Variants in CTNNA3 observed in about 807,000 individuals in gnomAD.
CTNNA3 encodes catenin alpha 3.
In CTNNA3, 76 loss-of-function variants were observed where a neutral mutation model predicts 95.7. The ratio of observed to expected loss-of-function variants is 0.79; its 90% CI spans 0.66 to 0.96. CTNNA3 has a LOEUF of 0.96. Ranked by LOEUF, CTNNA3 falls within the 40% of genes least tolerant of loss-of-function variation. The probability of loss-of-function intolerance (pLI) is 0.00; values close to 1 mark genes in which losing one functional copy is unlikely to be tolerated. For synonymous variants in CTNNA3, 431 were observed against 374.4 expected, an observed-to-expected ratio of 1.15 and a Z score of -1.74; for missense variants, 1,191 against 1,089.8, an observed-to-expected ratio of 1.09 and a Z score of -1.31.
chr10:66,330,072 C>A (rs193239556), intron 12 of CTNNA3, among the ~76,000 whole-genome samples: 1 of 151,862 alleles, frequency 6.6e-6, no homozygotes, highest in African/African-American at 2.4e-5. Flanking sequence ...GCACATATTT[C>A]TTTTTTTTAT....
At chr10:67,098,907 G>C (rs1037983500) in intron 7 of CTNNA3, 1 of 151,814 alleles carries the variant, frequency 6.6e-6, no homozygotes, top group African/African-American at 2.4e-5. Flanking sequence ...TGTGAGACCG[G>C]TATTTTGGAA....
chr10:66,364,064 T>C (rs929305273), intron 12 of CTNNA3, among the ~76,000 whole-genome samples: 1 of 152,162 alleles, frequency 6.6e-6, no homozygotes, highest in African/African-American at 2.4e-5. Context: ...TTGGTTTTAA[T>C]ATCTACAAAT....
intron 11 of CTNNA3, among the ~76,000 whole-genome samples, chr10:66,415,747 GC>G (rs1397562632): frequency 6.6e-6 from 1 of 152,040 alleles, no homozygotes; most frequent in East Asian, 1.9e-4. Context: ...ACTGTTTGTA[GC>G]CAAAAAAATC....
At chr10:66,827,955 G>T (rs1223460925) in intron 7 of CTNNA3, among the ~76,000 whole-genome samples, 2 of 152,208 alleles carry the variant, frequency 1.3e-5, no homozygotes, top group Non-Finnish European at 1.5e-5. Context: ...AAATGGAGAA[G>T]TGGGTAAAAT....
In CTNNA3 at chr10:67,737,493, A is replaced by G. The variant is rs1841309038; in HGVS notation, c.-2+25941T>C. The stretch of plus-strand genomic sequence containing the variant: ...AAATTACCAGAAGGAAAGAAACAAT[A>G]AAGATCAGACCAGAAATAAAAGAAA... On this transcript the variant is annotated intron_variant, in intron 1 of 17. Coordinates refer to the CTNNA3 transcript ENST00000684154. Among the ~76,000 whole-genome samples the G allele has an allele frequency of 2.0e-5, 3 of 152,288 alleles. No homozygotes were observed. The South Asian group carries it at 6.2e-4, about 32-fold the overall frequency.
intron 15 of CTNNA3, among the ~76,000 whole-genome samples, chr10:66,040,280 A>C: frequency 6.6e-6 from 1 of 152,108 alleles, no homozygotes; most frequent in Admixed American, 6.6e-5. Context: ...ATTGGGTGGG[A>C]GTGTAAATTA....
intron 17 of CTNNA3, among the ~76,000 whole-genome samples, chr10:65,936,998 T>C (rs557413713): frequency 6.6e-6 from 1 of 151,992 alleles, no homozygotes; most frequent in East Asian, 1.9e-4. Context: ...ATTATATAAA[T>C]ATAAACATTT....
At position 66,453,528 on chromosome 10, in the gene CTNNA3, G is replaced by A. The variant is rs144099908; in HGVS notation, c.1531+67089C>T. On this transcript the variant is annotated intron_variant, in intron 11 of 17. Transcript: ENST00000433211. ...AGATGAGGGAGAAAGAAGTGCTAGGGAAAATGACACTGCAATGTTGATTGT... is the reference window on the plus strand; with the variant it reads ...AGATGAGGGAGAAAGAAGTGCTAGGAAAAATGACACTGCAATGTTGATTGT... Among the ~76,000 whole-genome samples, 411 of 152,340 alleles carry A rather than the reference G, an allele frequency of 2.7e-3. 2 individuals carry two copies. Among genetic ancestry groups the A allele is most frequent in the African/African-American group, 9.4e-3 (389 of 41,582 alleles).
At chr10:66,972,507 A>G (rs1330583896) in intron 7 of CTNNA3, among the ~76,000 whole-genome samples, 1 of 151,928 alleles carries the variant, frequency 6.6e-6, no homozygotes, top group Non-Finnish European at 1.5e-5. Context: ...TTCTGCATAA[A>G]TGGTATTTTT....
chr10:66,006,380 C>A (rs2078883820), intron 15 of CTNNA3, among the ~76,000 whole-genome samples: 1 of 151,906 alleles, frequency 6.6e-6, no homozygotes, highest in Admixed American at 6.5e-5. Context: ...TCACCAACAC[C>A]CCCCCACACC....
At chr10:67,408,401 G>C (rs896032523) in intron 5 of CTNNA3, among the ~76,000 whole-genome samples, 2 of 152,070 alleles carry the variant, frequency 1.3e-5, no homozygotes, top group South Asian at 2.1e-4. Context: ...TAGACCAATG[G>C]AACAGAATAC....
intron 12 of CTNNA3, among the ~76,000 whole-genome samples, chr10:66,368,444 T>C (rs747910680): frequency 6.6e-5 from 10 of 152,118 alleles, no homozygotes; most frequent in Non-Finnish European, 1.5e-4. Context: ...CCTACACCCA[T>C]GCATTTGCCA....
At chr10:66,210,085 T>C (rs1207330798) in intron 13 of CTNNA3, among the ~76,000 whole-genome samples, 1 of 151,966 alleles carries the variant, frequency 6.6e-6, no homozygotes, top group Non-Finnish European at 1.5e-5. Flanking sequence ...ACACACATAA[T>C]ACCCAGGGTG....
Position 65,959,357 on chromosome 10 carries a change from C to T in CTNNA3, c.2400+7255G>A, listed in dbSNP as rs540003135. 1.1e-4 allele frequency among the ~76,000 whole-genome samples: 16 copies of T among 152,242 alleles called. No homozygotes were observed. In the South Asian group the frequency reaches 3.3e-3, roughly 32 times the overall value. On this transcript the variant is annotated intron_variant, in intron 17 of 17. Coordinates refer to ENST00000433211, the MANE Select transcript of CTNNA3 (RefSeq NM_013266.4). ...TGTGCTTCCTGGGTGAGGCAATGCC[C>T]CTCCCTGCTTCAGCTAACACTCCAT...
At chr10:67,687,353 T>C (rs995893221) in intron 1 of CTNNA3, among the ~76,000 whole-genome samples, 1 of 152,196 alleles carries the variant, frequency 6.6e-6, no homozygotes, top group African/African-American at 2.4e-5. Flanking sequence ...TGCCTCCGCA[T>C]AGTGGACATG....
chr10:66,341,830 A>G (rs1321408563), intron 12 of CTNNA3, among the ~76,000 whole-genome samples: 1 of 151,826 alleles, frequency 6.6e-6, no homozygotes, highest in Admixed American at 6.6e-5. Context: ...TACTGTTGAT[A>G]TTATTCTTTG....
At chr10:67,384,309 C>T (rs1243938289) in intron 5 of CTNNA3, among the ~76,000 whole-genome samples, 1 of 152,076 alleles carries the variant, frequency 6.6e-6, no homozygotes, top group African/African-American at 2.4e-5. Context: ...TTTACAATTC[C>T]AAAGGTATTT....
At chr10:66,316,185 A>G (rs73303427) in intron 12 of CTNNA3, among the ~76,000 whole-genome samples, 1,763 of 152,170 alleles carry the variant, frequency 0.012, 33 homozygotes, top group African/African-American at 0.04. Flanking sequence ...GGTTTACCCA[A>G]TTTTTGGTGA....
intron 5 of CTNNA3, among the ~76,000 whole-genome samples, chr10:67,386,594 C>G (rs1844177067): frequency 6.6e-6 from 1 of 151,680 alleles, no homozygotes; most frequent in South Asian, 2.1e-4. Context: ...GGGAAGTGAA[C>G]AAAAAGGAAA....
Sources: gnomAD v4.1 joint callset for allele counts (sites outside exome capture counted in the v4.1 genomes callset) on GRCh38, gnomAD v4.1.1 for gene constraint, MANE v1.5 for transcripts, NCBI Gene and HGNC (gene_info 2026-07-23, HGNC 2026-07-21) for gene names.